The following GRM8 variants were observed in gnomAD, a reference collection of about 807,000 sequenced individuals.
The protein encoded by GRM8 is metabotropic glutamate receptor 8.
A neutral mutation model predicts 87.2 loss-of-function variants in GRM8; 47 were observed. The observed-to-expected ratio is 0.54, with a 90% CI of 0.43 to 0.69. The LOEUF (loss-of-function observed/expected upper bound fraction) is 0.69, where lower values mean the gene tolerates loss of function less well. GRM8 is among the 30% of genes least tolerant of loss of function. The pLI, the probability that GRM8 is intolerant of heterozygous loss-of-function variation, is 0.00. For missense variants in GRM8, 1,019 were observed against 1,139.2 expected (o/e 0.89, Z 1.52); for synonymous variants, 396 against 404.5 (o/e 0.98, Z 0.25).
intron 8 of GRM8, among the ~76,000 whole-genome samples, chr7:126,558,653 T>A (rs1793392483): frequency 6.6e-6 from 1 of 152,196 alleles, no homozygotes; most frequent in African/African-American, 2.4e-5. Flanking sequence ...TATACTGCAT[T>A]TTTTAGGGAA....
chr7:126,618,099 A>T (rs4601254), intron 7 of GRM8, among the ~76,000 whole-genome samples: 3 of 152,112 alleles, frequency 2.0e-5, no homozygotes, highest in African/African-American at 7.2e-5. Context: ...ACAAAGCTGG[A>T]GGCATCACGC....
At chr7:127,077,256 C>A (rs1390675266) in intron 3 of GRM8, among the ~76,000 whole-genome samples, 1 of 152,174 alleles carries the variant, frequency 6.6e-6, no homozygotes, top group Non-Finnish European at 1.5e-5. Context: ...TTCAGCCAAG[C>A]AAATGTCAGG....
intron 3 of GRM8, among the ~76,000 whole-genome samples, chr7:126,950,375 G>A (rs1808003082): frequency 6.6e-6 from 1 of 152,180 alleles, no homozygotes; most frequent in African/African-American, 2.4e-5. Context: ...GTTGTCAAAA[G>A]ATACATACTT....
At chr7:126,691,794 G>A (rs879194113) in intron 7 of GRM8, among the ~76,000 whole-genome samples, 1 of 152,154 alleles carries the variant, frequency 6.6e-6, no homozygotes, top group African/African-American at 2.4e-5. Flanking sequence ...AATTACAAAC[G>A]TAGCTGGCTG....
intron 8 of GRM8, among the ~76,000 whole-genome samples, chr7:126,608,195 T>C (rs1016186392): frequency 6.6e-6 from 1 of 151,466 alleles, no homozygotes; most frequent in African/African-American, 2.4e-5. Flanking sequence ...ATCCATCAAG[T>C]TCAGAATTGG....
rs1040704871 is a variant in GRM8, at chr7:126,958,596, C to T, written c.728-53913G>A. 3.3e-5 allele frequency among the ~76,000 whole-genome samples: 5 copies of T among 152,244 alleles called. No homozygotes were observed. The Middle Eastern group carries it at 0.014, about 414-fold the overall frequency. ...CCCTGCCACTCCTCGCCCGGCCCGC[C>T]CTTAGCAGGTGTGGGATCCAGACTG... On this transcript the variant is annotated intron_variant, in intron 3 of 10. Coordinates refer to ENST00000339582, the MANE Select transcript of GRM8 (RefSeq NM_000845.3).
chr7:126,938,409 T>C (rs554877107), intron 3 of GRM8, among the ~76,000 whole-genome samples: 2 of 152,276 alleles, frequency 1.3e-5, no homozygotes, highest in African/African-American at 4.8e-5. Flanking sequence ...ACATCTAATT[T>C]TTACAGCTGC....
At chr7:126,791,733 C>A (rs1291724589) in intron 6 of GRM8, among the ~76,000 whole-genome samples, 1 of 152,154 alleles carries the variant, frequency 6.6e-6, no homozygotes, top group Non-Finnish European at 1.5e-5. Context: ...GGTAAAAGAA[C>A]CATAGAGGTG....
chr7:126,790,501 TTAAA>T (rs1291613431), intron 6 of GRM8, among the ~76,000 whole-genome samples: 1 of 152,228 alleles, frequency 6.6e-6, no homozygotes, highest in Non-Finnish European at 1.5e-5. Flanking sequence ...ACATTTTAAA[TTAAA>T]TGTCAGGAAT....
intron 3 of GRM8, among the ~76,000 whole-genome samples, chr7:126,964,225 C>G (rs977163553): frequency 6.6e-6 from 1 of 152,090 alleles, no homozygotes; most frequent in African/African-American, 2.4e-5. Context: ...AGAAGAAAAC[C>G]TAGGCAATAC....
intron 3 of GRM8, among the ~76,000 whole-genome samples, chr7:126,990,493 T>C (rs1812552648): frequency 6.6e-6 from 1 of 152,230 alleles, no homozygotes; most frequent in Non-Finnish European, 1.5e-5. Context: ...AACAGAGGAT[T>C]AAACAGGATT....
intron 3 of GRM8, among the ~76,000 whole-genome samples, chr7:127,023,707 C>G (rs2132237598): frequency 6.6e-6 from 1 of 152,184 alleles, no homozygotes; most frequent in East Asian, 1.9e-4. Flanking sequence ...TTCATGGAAA[C>G]AAACCCCCCA....
chr7:126,688,867 G>A (rs1808470733), intron 7 of GRM8, among the ~76,000 whole-genome samples: 1 of 152,020 alleles, frequency 6.6e-6, no homozygotes, highest in African/African-American at 2.4e-5. Context: ...CTCACAATGA[G>A]AGCTCTCGCT....
intron 6 of GRM8, among the ~76,000 whole-genome samples, chr7:126,790,547 T>G (rs1585945463): frequency 6.6e-6 from 1 of 152,348 alleles, no homozygotes; most frequent in East Asian, 1.9e-4. Flanking sequence ...TTCATGTCAC[T>G]GCATTAGCCA....
chr7:126,551,457 T>C (rs1323774059), intron 8 of GRM8, among the ~76,000 whole-genome samples: 3 of 152,166 alleles, frequency 2.0e-5, no homozygotes, highest in Non-Finnish European at 4.4e-5. Flanking sequence ...GTCCCAACTA[T>C]TCCTTGGCCT....
chr7:127,138,448 G>T lies in GRM8; in HGVS notation c.511-31736C>A, dbSNP rs1828067295. ...TCCTCATACAAGAAATACTGCTCCA[G>T]CCCTTCACTTGGAGAATATGCAGCC... On this transcript the variant is annotated intron_variant, in intron 2 of 10. Transcript: ENST00000339582. Among the ~76,000 whole-genome samples, 2 of 152,018 alleles carry T rather than the reference G, an allele frequency of 1.3e-5. 1 individual carries two copies. The highest frequency in any genetic ancestry group is 4.2e-4 in the South Asian group (2 of 4,818).
intron 3 of GRM8, among the ~76,000 whole-genome samples, chr7:126,938,405 A>G (rs1286223729): frequency 6.6e-6 from 1 of 152,142 alleles, no homozygotes; most frequent in South Asian, 2.1e-4. Flanking sequence ...TTTGACATCT[A>G]ATTTTTACAG....
At chr7:126,468,791 T>C (rs1804812239) in intron 9 of GRM8, among the ~76,000 whole-genome samples, 1 of 152,114 alleles carries the variant, frequency 6.6e-6, no homozygotes, top group Non-Finnish European at 1.5e-5. Context: ...TCATTTTAAA[T>C]GGTTAACGAT....
At chr7:127,185,307 C>G (rs1794675691) in intron 2 of GRM8, among the ~76,000 whole-genome samples, 1 of 151,734 alleles carries the variant, frequency 6.6e-6, no homozygotes, top group Non-Finnish European at 1.5e-5. Flanking sequence ...GAAATAGACC[C>G]AAACAAATAT....
Sources: gnomAD v4.1 joint callset for allele counts (sites outside exome capture counted in the v4.1 genomes callset) on GRCh38, gnomAD v4.1.1 for gene constraint, MANE v1.5 for transcripts, NCBI Gene and HGNC (gene_info 2026-07-23, HGNC 2026-07-21) for gene names.